The following SLC7A1 variants were observed in gnomAD, a reference collection of about 807,000 sequenced individuals.
SLC7A1 encodes the protein high affinity cationic amino acid transporter 1.
SLC7A1 carries 10 observed loss-of-function variants against 53.9 expected under a neutral mutation model. The ratio of observed to expected loss-of-function variants is 0.19; its 90% CI spans 0.11 to 0.31. The LOEUF (loss-of-function observed/expected upper bound fraction) is 0.31, where lower values mean the gene tolerates loss of function less well. Ranked by LOEUF, SLC7A1 falls within the 10% of genes least tolerant of loss-of-function variation. The probability of loss-of-function intolerance (pLI) is 1.00; values close to 1 mark genes in which losing one functional copy is unlikely to be tolerated. For synonymous variants in SLC7A1, 342 were observed against 338.7 expected (o/e 1.01, Z -0.11); for missense variants, 525 against 827.2 (o/e 0.63, Z 4.48).
At chr13:29,567,622 G>A (rs1266820723) in intron 1 of SLC7A1, among the ~76,000 whole-genome samples, 1 of 152,194 alleles carries the variant, frequency 6.6e-6, no homozygotes, top group Non-Finnish European at 1.5e-5. Context: ...CCACACTCCT[G>A]GGTGTTTACA....
intron 1 of SLC7A1, among the ~76,000 whole-genome samples, chr13:29,570,052 C>T (rs1871130741): frequency 6.6e-6 from 1 of 152,240 alleles, no homozygotes. Context: ...ATGCCACATT[C>T]ACATAATCAC....
At chr13:29,594,097 T>C (rs1193400603) in intron 1 of SLC7A1, among the ~76,000 whole-genome samples, 1 of 152,190 alleles carries the variant, frequency 6.6e-6, no homozygotes, top group African/African-American at 2.4e-5. Context: ...CAACTAAAAA[T>C]ACCAGAGGAA....
At chr13:29,555,072 T>C (rs911190556) in intron 1 of SLC7A1, among the ~76,000 whole-genome samples, 8 of 152,090 alleles carry the variant, frequency 5.3e-5, no homozygotes, top group East Asian at 1.9e-4. Flanking sequence ...AAGAATTACA[T>C]TGTGGGCCGG....
At chr13:29,595,183 C>A (rs1272111351) in intron 1 of SLC7A1, among the ~76,000 whole-genome samples, 2 of 152,034 alleles carry the variant, frequency 1.3e-5, no homozygotes, top group African/African-American at 4.8e-5. Flanking sequence ...TTTCAGGGAG[C>A]CAAAATGGAC....
intron 2 of SLC7A1, among the ~76,000 whole-genome samples, chr13:29,540,243 G>C (rs115319386): frequency 7.8e-4 from 119 of 152,278 alleles, no homozygotes; most frequent in African/African-American, 2.6e-3. Flanking sequence ...AAATTAGGTG[G>C]GGAGGAATTT....
chr13:29,527,756 T>C (rs74042313), intron 5 of SLC7A1, among the ~76,000 whole-genome samples: 1,653 of 152,366 alleles, frequency 0.011, 31 homozygotes, highest in African/African-American at 0.038. Flanking sequence ...GGTCTCCCAC[T>C]GCATCAGTGG....
intron 9 of SLC7A1, among the ~76,000 whole-genome samples, chr13:29,519,168 G>A (rs1045429162): frequency 1.2e-4 from 18 of 152,056 alleles, no homozygotes; most frequent in Admixed American, 1.1e-3. Flanking sequence ...CCAGGATCCT[G>A]GCCTAATAGT....
intron 5 of SLC7A1, among the ~76,000 whole-genome samples, chr13:29,524,611 G>A (rs997419578): frequency 2.6e-5 from 4 of 152,128 alleles, no homozygotes; most frequent in Admixed American, 1.3e-4. Context: ...AGGGCCCCTC[G>A]GAGGAAGGAT....
intron 1 of SLC7A1, among the ~76,000 whole-genome samples, chr13:29,556,941 G>A (rs1000644245): frequency 1.8e-4 from 27 of 152,220 alleles, no homozygotes; most frequent in African/African-American, 4.3e-4. Flanking sequence ...GTCTCCTGTC[G>A]TGGTATAAAA....
At chr13:29,536,344 AC>A in intron 2 of SLC7A1, 142 bp from the exon 3 acceptor site, 1 of 898,840 alleles carries the variant, frequency 1.1e-6, no homozygotes, top group Non-Finnish European at 1.7e-6. Flanking sequence ...GTAGAATTCC[AC>A]CATCAATTGT....
intron 2 of SLC7A1, among the ~76,000 whole-genome samples, chr13:29,552,258 C>CACAG (rs1870233311): frequency 2.0e-5 from 3 of 150,388 alleles, no homozygotes; most frequent in African/African-American, 7.4e-5. Flanking sequence ...CACACACAGA[C>CACAG]ACACACACAC....
At chr13:29,566,443 T>C (rs1433114586) in intron 1 of SLC7A1, among the ~76,000 whole-genome samples, 1 of 152,152 alleles carries the variant, frequency 6.6e-6, no homozygotes, top group Admixed American at 6.5e-5. Flanking sequence ...TATTCAGCCA[T>C]AAAAAGCAAT....
chr13:29,589,319 G>C (rs1055315473), intron 1 of SLC7A1, among the ~76,000 whole-genome samples: 2 of 152,264 alleles, frequency 1.3e-5, no homozygotes, highest in Non-Finnish European at 2.9e-5. Flanking sequence ...GGTCTCCCCA[G>C]GTGGAGATGG....
chr13:29,586,249 C>T (rs1267566246), intron 1 of SLC7A1, among the ~76,000 whole-genome samples: 2 of 152,206 alleles, frequency 1.3e-5, no homozygotes, highest in Non-Finnish European at 2.9e-5. Flanking sequence ...ACAACAGAAA[C>T]TTAAAATAAT....
chr13:29,567,201 T>A (rs1472951937), intron 1 of SLC7A1, among the ~76,000 whole-genome samples: 1 of 152,172 alleles, frequency 6.6e-6, no homozygotes, highest in African/African-American at 2.4e-5. Context: ...CGCAGAATAA[T>A]AAAAATGGGG....
intron 2 of SLC7A1, among the ~76,000 whole-genome samples, chr13:29,544,316 G>A (rs1386349329): frequency 2.6e-5 from 4 of 152,142 alleles, no homozygotes; most frequent in East Asian, 3.8e-4. Context: ...GAGATTATAC[G>A]CATGTTTTTG....
chr13:29,536,992 G>A (rs963655919), intron 2 of SLC7A1, among the ~76,000 whole-genome samples: 14 of 152,234 alleles, frequency 9.2e-5, no homozygotes, highest in Non-Finnish European at 1.9e-4. Context: ...AGGACACCTT[G>A]TGCCTTGTGG....
At chr13:29,582,352 T>C (rs909643376) in intron 1 of SLC7A1, among the ~76,000 whole-genome samples, 25 of 152,346 alleles carry the variant, frequency 1.6e-4, no homozygotes, top group African/African-American at 6.0e-4. Flanking sequence ...TGTAAAGCGA[T>C]AACCAAGCTG....
At chr13:29,538,872 C>A (rs184574676) in intron 2 of SLC7A1, among the ~76,000 whole-genome samples, 15 of 152,184 alleles carry the variant, frequency 9.9e-5, no homozygotes, top group African/African-American at 3.6e-4. Context: ...GTAGACGGAG[C>A]CTTGAAGAGA....
Sources: allele counts gnomAD v4.1 joint callset (sites outside exome capture counted in the v4.1 genomes callset), GRCh38; gene constraint gnomAD v4.1.1; transcripts MANE v1.5; gene names NCBI Gene and HGNC (gene_info 2026-07-23, HGNC 2026-07-21).